CASTOR2: variants seen among roughly 807,000 people sequenced by gnomAD.
CASTOR2 encodes cytosolic arginine sensor for mTORC1 subunit 2.
In CASTOR2, 8 loss-of-function variants were observed where a neutral mutation model predicts 31.2. The ratio of observed to expected loss-of-function variants is 0.26; its 90% CI spans 0.15 to 0.46. CASTOR2 has a LOEUF of 0.46. Ranked by LOEUF, CASTOR2 falls within the 20% of genes least tolerant of loss-of-function variation. The pLI is 0.99. For synonymous variants in CASTOR2, 162 were observed against 158.7 expected (o/e 1.02, Z -0.16); for missense variants, 216 against 382.1 (o/e 0.57, Z 3.62).
intron 1 of CASTOR2, among the ~76,000 whole-genome samples, chr7:74,993,854 T>G (rs1234344454): frequency 1.3e-5 from 2 of 151,672 alleles, no homozygotes; most frequent in African/African-American, 4.8e-5. Flanking sequence ...CTTTAGCTGG[T>G]TCATAAATCA....
At chr7:74,998,708 T>C (rs782704343) in intron 1 of CASTOR2, among the ~76,000 whole-genome samples, 144,999 of 151,804 alleles carry the variant, frequency 0.96, 69,309 homozygotes, top group East Asian at 1. Context: ...GAAAGGAAGT[T>C]GGGCTGGGGA....
At chr7:75,006,636 TAATC>T (rs1339396942) in intron 1 of CASTOR2, among the ~76,000 whole-genome samples, 2 of 152,148 alleles carry the variant, frequency 1.3e-5, no homozygotes, top group East Asian at 3.9e-4. Context: ...TGAATTGTAA[TAATC>T]CCCACGTGTC....
At chr7:75,016,591 C>G (rs1233510903) in intron 2 of CASTOR2, among the ~76,000 whole-genome samples, 2 of 152,218 alleles carry the variant, frequency 1.3e-5, no homozygotes, top group African/African-American at 4.8e-5. Context: ...TCCCCTCCAC[C>G]CAGAGCCTCC....
In CASTOR2 at chr7:75,018,040, C is replaced by T. The variant is rs1804906350; in HGVS notation, c.429C>T (p.Phe143=). The change falls in exon 4 of 9, where the codon TTC becomes TTT. Residue 143 remains phenylalanine, a synonymous_variant. Transcript: ENST00000616305. The part of the protein sequence containing the change: ...PFVTHTLSSE[F]TILRVVNGET... ...TCACCCACACATTGTCATCAGAGTT[C>T]ACCATCCTGCGGGTCGTCAATGGCG... 1.2e-6 allele frequency: 2 copies of T among 1,614,120 alleles called. No homozygotes were observed. The highest frequency in any genetic ancestry group is 1.3e-5 in the African/African-American group (1 of 74,952).
intron 6 of CASTOR2, among the ~76,000 whole-genome samples, chr7:75,020,663 GTATT>G (rs1328812576): frequency 6.6e-6 from 1 of 151,652 alleles, no homozygotes; most frequent in Non-Finnish European, 1.5e-5. Flanking sequence ...CTAATTTTTT[GTATT>G]TTTAGTAGAG....
chr7:75,021,940 A>G lies in CASTOR2; in HGVS notation c.813A>G (p.Gly271=). 1 of 1,551,742 alleles carries G rather than the reference A, an allele frequency of 6.4e-7. No individual in the cohort carries two copies. Among genetic ancestry groups the G allele is most frequent in the Non-Finnish European group, 8.7e-7 (1 of 1,146,884 alleles). ...TCTGGAAGATGGTCCGGATTGGAGG[A>G]CAGCCCCTGGGGTTTGGTGAGTCCT... ...GELWKMVRIG[G]QPLGFDECGI... is the part of the protein sequence containing the mutation. The change falls in exon 7 of 9, where the codon GGA becomes GGG. Residue 271 remains glycine, a synonymous_variant. Transcript: ENST00000616305.
intron 2 of CASTOR2, among the ~76,000 whole-genome samples, chr7:75,009,969 C>T (rs1389243337): frequency 1.4e-5 from 2 of 146,710 alleles, no homozygotes; most frequent in African/African-American, 5.1e-5. Flanking sequence ...CAGGTATGAT[C>T]GTAGTGCATA....
chr7:75,024,764 G>A lies in CASTOR2; in HGVS notation c.*65G>A. On this transcript the variant is annotated 3_prime_UTR_variant, in exon 9 of 9. Transcript: ENST00000616305. ...AGCCCTAACCCTGAAGATTGATCTT[G>A]CAGTATTTCTCTACAGACTGGAAAA... 1.9e-6 allele frequency: 3 copies of A among 1,551,414 alleles called. No homozygotes were observed. Among genetic ancestry groups the A allele is most frequent in the Non-Finnish European group, 2.6e-6 (3 of 1,146,838 alleles).
chr7:75,019,936 C>A, intron 5 of CASTOR2, 103 bp from the exon 6 acceptor site: 4 of 1,023,052 alleles, frequency 3.9e-6, no homozygotes, highest in Non-Finnish European at 5.8e-6. Context: ...CAGGGTCACC[C>A]AGGTGGCATC....
chr7:75,009,771 C>A (rs2131946811), intron 2 of CASTOR2, among the ~76,000 whole-genome samples: 1 of 151,854 alleles, frequency 6.6e-6, no homozygotes, highest in African/African-American at 2.4e-5. Flanking sequence ...ACAGGGCTTG[C>A]CTGGAAGAGG....
intron 1 of CASTOR2, among the ~76,000 whole-genome samples, chr7:74,989,166 G>A (rs1244951680): frequency 3.3e-5 from 5 of 151,344 alleles, no homozygotes; most frequent in African/African-American, 7.3e-5. Context: ...GGGTTTCACC[G>A]TGTTAGCCAG....
Position 75,028,472 on chromosome 7 carries a change from C to T in CASTOR2, c.*3773C>T, listed in dbSNP as rs1445820896. On this transcript the variant is annotated 3_prime_UTR_variant, in exon 9 of 9. Transcript: ENST00000616305. The stretch of plus-strand genomic sequence containing the variant: ...TGACCCTGGGGCTGCCACTTGAGCT[C>T]CTGGAGTGTGTGTCTTGGCCCCTGT... Among the ~76,000 whole-genome samples the T allele has an allele frequency of 6.6e-6, 1 of 151,996 alleles. No homozygotes were observed. The highest frequency in any genetic ancestry group is 1.9e-4 in the East Asian group (1 of 5,180).
chr7:75,008,132 C>T (rs1804645978), intron 2 of CASTOR2, 68 bp downstream of exon 2: 1 of 1,492,416 alleles, frequency 6.7e-7, no homozygotes, highest in Non-Finnish European at 9.0e-7. Context: ...TGCCCACCTC[C>T]TTATTTCTGT....
At chr7:75,020,950 C>A (rs956298596) in intron 6 of CASTOR2, among the ~76,000 whole-genome samples, 4 of 152,046 alleles carry the variant, frequency 2.6e-5, no homozygotes, top group Non-Finnish European at 5.9e-5. Flanking sequence ...GTGCCTGCCA[C>A]CACACCTGGC....
In CASTOR2 at chr7:75,027,929, C is replaced by T. The variant is rs1563067137; in HGVS notation, c.*3230C>T. On this transcript the variant is annotated 3_prime_UTR_variant, in exon 9 of 9. Coordinates refer to ENST00000616305, the MANE Select transcript of CASTOR2 (RefSeq NM_001145064.3). ...GGTCTGCTGGGTGGGAGGGTCTCTC[C>T]AGGCCCCAGACCCCACTTGGAGGGG... 1.5e-6 allele frequency: 2 copies of T among 1,295,802 alleles called. No homozygotes were observed. The highest frequency in any genetic ancestry group is 1.3e-5 in the South Asian group (1 of 79,186). The allele number at this position is 1,295,802 out of a possible 1,614,324, so 80.3% of individuals were successfully genotyped here.
intron 3 of CASTOR2, 51 bp downstream of exon 3, chr7:75,017,842 ACACT>A (rs1273019520): frequency 1.6e-4 from 264 of 1,613,864 alleles, no homozygotes; most frequent in African/African-American, 1.2e-3. Flanking sequence ...CGCCTCTGAC[ACACT>A]CACTCCCATC....
At chr7:74,998,331 C>T (rs1174482438) in intron 1 of CASTOR2, among the ~76,000 whole-genome samples, 18 of 152,136 alleles carry the variant, frequency 1.2e-4, no homozygotes, top group Admixed American at 7.9e-4. Flanking sequence ...GGGCCGGGCA[C>T]GGTGGCTCAC....
chr7:74,996,676 T>TG lies in CASTOR2; in HGVS notation c.114-11316dup, dbSNP rs1804354803. Among the ~76,000 whole-genome samples the TG allele has an allele frequency of 1.8e-4, 26 of 145,174 alleles. 1 individual carries two copies. The South Asian group carries it at 5.6e-3, about 31-fold the overall frequency. ...TTAACCAAAACCAGAAATGGATGCA[T>TG]GGATGCTGTTTATGAAAGCAACCAC... On this transcript the variant is annotated intron_variant, in intron 1 of 8. Transcript: ENST00000616305.
At chr7:74,996,963 G>A (rs1224242222) in intron 1 of CASTOR2, among the ~76,000 whole-genome samples, 16 of 151,412 alleles carry the variant, frequency 1.1e-4, no homozygotes, top group Non-Finnish European at 2.1e-4. Context: ...TCAAACTCCT[G>A]ACCTCAGGTG....
Sources: gnomAD v4.1 joint callset for allele counts (sites outside exome capture counted in the v4.1 genomes callset) on GRCh38, gnomAD v4.1.1 for gene constraint, MANE v1.5 for transcripts, NCBI Gene and HGNC (gene_info 2026-07-23, HGNC 2026-07-21) for gene names.